EDA: variants seen among roughly 807,000 people sequenced by gnomAD.
EDA encodes the protein ectodysplasin-A.
EDA carries 2 observed loss-of-function variants against 23.6 expected under a neutral mutation model. The ratio of observed to expected loss-of-function variants is 0.08; its 90% CI spans 0.03 to 0.27. EDA has a LOEUF of 0.27. Among genes scored for constraint, EDA ranks in the 10% least tolerant of loss-of-function variants. The probability of loss-of-function intolerance (pLI) is 1.00; values close to 1 mark genes in which losing one functional copy is unlikely to be tolerated. For missense variants in EDA, 229 were observed against 324.2 expected (o/e 0.71, Z 2.26); for synonymous variants, 131 against 132.0 (o/e 0.99, Z 0.05).
chrX:69,673,112 A>G, intron 1 of EDA, among the ~76,000 whole-genome samples: 1 of 111,607 alleles, frequency 9.0e-6, no homozygotes, highest in East Asian at 2.8e-4. Flanking sequence ...CATCATTATC[A>G]TTATCAATAA....
chrX:69,891,067 G>A (rs763533999), intron 1 of EDA, among the ~76,000 whole-genome samples: 42 of 111,356 alleles, frequency 3.8e-4, no homozygotes, highest in African/African-American at 1.3e-3. Context: ...ATTAAAAAGT[G>A]GGCAAAGGAC....
intron 1 of EDA, among the ~76,000 whole-genome samples, chrX:69,821,135 A>G (rs2016209668): frequency 9.1e-6 from 1 of 109,686 alleles, no homozygotes; most frequent in South Asian, 4.0e-4. Flanking sequence ...CTAACACAGG[A>G]ACAGAAAATA....
intron 1 of EDA, among the ~76,000 whole-genome samples, chrX:69,881,321 G>A (rs1230099168): frequency 9.0e-6 from 1 of 110,610 alleles, no homozygotes; most frequent in African/African-American, 3.3e-5. Flanking sequence ...TAGATATTTG[G>A]CCTTCGTAAC....
At chrX:70,011,628 T>C (rs181799031) in intron 2 of EDA, among the ~76,000 whole-genome samples, 1 of 112,133 alleles carries the variant, frequency 8.9e-6, no homozygotes, top group East Asian at 2.8e-4. Context: ...TTATTTGTTA[T>C]CTAATGTGCT....
At chrX:69,868,613 A>C (rs1189701547) in intron 1 of EDA, among the ~76,000 whole-genome samples, 4 of 112,379 alleles carry the variant, frequency 3.6e-5, no homozygotes, top group African/African-American at 1.3e-4. Context: ...GTAATGGACC[A>C]GTATGATATC....
intron 1 of EDA, chrX:69,860,839 T>A (rs1354494660): frequency 1.9e-6 from 1 of 523,393 alleles, no homozygotes; most frequent in Non-Finnish European, 3.5e-6. Context: ...TTGGTTCTAT[T>A]CTCCCCATCT....
intron 2 of EDA, among the ~76,000 whole-genome samples, chrX:69,975,100 A>C (rs1391280726): frequency 8.9e-6 from 1 of 111,778 alleles, no homozygotes; most frequent in Non-Finnish European, 1.9e-5. Flanking sequence ...TTGACCCAAC[A>C]ATCCCGTTAC....
intron 2 of EDA, among the ~76,000 whole-genome samples, chrX:69,968,622 T>G (rs1048204780): frequency 1.8e-5 from 2 of 112,104 alleles, no homozygotes; most frequent in African/African-American, 6.5e-5. Flanking sequence ...CTAGCCTCCA[T>G]ACACAGAAAT....
intron 1 of EDA, among the ~76,000 whole-genome samples, chrX:69,701,212 C>T (rs1014405295): frequency 1.2e-4 from 13 of 111,471 alleles, no homozygotes; most frequent in African/African-American, 3.6e-4. Context: ...AGGGCACTGT[C>T]GGTCTTCAGT....
chrX:69,949,183 C>T (rs1459371439), intron 1 of EDA, among the ~76,000 whole-genome samples: 1 of 111,823 alleles, frequency 8.9e-6, no homozygotes, highest in Non-Finnish European at 1.9e-5. Flanking sequence ...TTTACAGAGC[C>T]TGGTATGTAC....
At chrX:69,992,221 A>G (rs1299746867) in intron 2 of EDA, among the ~76,000 whole-genome samples, 1 of 111,892 alleles carries the variant, frequency 8.9e-6, no homozygotes, top group Non-Finnish European at 1.9e-5. Context: ...TAGTTTCTCA[A>G]GTTGTGATGT....
chrX:69,751,006 T>G (rs2013828198), intron 1 of EDA, among the ~76,000 whole-genome samples: 1 of 110,114 alleles, frequency 9.1e-6, no homozygotes, highest in Admixed American at 9.7e-5. Context: ...TTTCTTTTGC[T>G]GTGCAGAAGC....
intron 1 of EDA, among the ~76,000 whole-genome samples, chrX:69,945,361 A>G (rs2018819709): frequency 8.9e-6 from 1 of 111,940 alleles, no homozygotes. Context: ...GCAGATAACT[A>G]TATACTTGTT....
chrX:69,768,883 C>T (rs191541648), intron 1 of EDA, among the ~76,000 whole-genome samples: 48 of 111,761 alleles, frequency 4.3e-4, no homozygotes, highest in African/African-American at 1.5e-3. Flanking sequence ...ACGGTTTATT[C>T]ATCATCATTC....
chrX:69,739,189 A>C (rs1433659076), intron 1 of EDA, among the ~76,000 whole-genome samples: 1 of 111,021 alleles, frequency 9.0e-6, no homozygotes, highest in Non-Finnish European at 1.9e-5. Context: ...CATGATTTTT[A>C]ATTGTTATGT....
chrX:69,827,239 G>A (rs1412276764), intron 1 of EDA, among the ~76,000 whole-genome samples: 1 of 111,885 alleles, frequency 8.9e-6, no homozygotes. Flanking sequence ...GAATCTGAAT[G>A]TTGGCCTGCC....
intron 2 of EDA, among the ~76,000 whole-genome samples, chrX:69,988,397 A>G (rs6624455): frequency 0.078 from 8,761 of 111,834 alleles, 717 homozygotes; most frequent in East Asian, 0.61. Context: ...TAACCAAAAG[A>G]GTATAAGTGG....
At chrX:70,000,892 A>G (rs920938987) in intron 2 of EDA, among the ~76,000 whole-genome samples, 3 of 111,729 alleles carry the variant, frequency 2.7e-5, no homozygotes, top group African/African-American at 9.8e-5. Flanking sequence ...GTGACTTTCA[A>G]TTATGTGTTC....
intron 1 of EDA, among the ~76,000 whole-genome samples, chrX:69,728,783 C>T (rs1462523499): frequency 9.0e-6 from 1 of 110,922 alleles, no homozygotes; most frequent in Non-Finnish European, 1.9e-5. Flanking sequence ...CAGAGAAGAA[C>T]CCAGGTTTAA....
Sources: gnomAD v4.1 joint callset for allele counts (sites outside exome capture counted in the v4.1 genomes callset) on GRCh38, gnomAD v4.1.1 for gene constraint, MANE v1.5 for transcripts, NCBI Gene and HGNC (gene_info 2026-07-23, HGNC 2026-07-21) for gene names.